MAF: variants seen among roughly 807,000 people sequenced by gnomAD.
MAF encodes the protein MAF bZIP transcription factor, also known as transcription factor Maf.
A neutral mutation model predicts 22.0 loss-of-function variants in MAF; 10 were observed. The observed-to-expected ratio is 0.45, with a 90% CI of 0.28 to 0.77. The LOEUF (loss-of-function observed/expected upper bound fraction) is 0.77, where lower values mean the gene tolerates loss of function less well. MAF is among the 30% of genes least tolerant of loss of function. The probability of loss-of-function intolerance (pLI) is 0.12; values close to 1 mark genes in which losing one functional copy is unlikely to be tolerated. For missense variants in MAF, 544 were observed against 548.4 expected (o/e 0.99, Z 0.08); for synonymous variants, 337 against 255.8 (o/e 1.32, Z -3.03).
the MAF span, among the ~76,000 whole-genome samples, chr16:79,409,028 G>GT: frequency 6.7e-6 from 1 of 148,390 alleles, no homozygotes; most frequent in East Asian, 2.0e-4. Flanking sequence ...ACCATAAGGG[G>GT]TGGGTGGGTG....
chr16:79,284,323 G>A, the MAF span, among the ~76,000 whole-genome samples: 11 of 152,258 alleles, frequency 7.2e-5, no homozygotes, highest in Admixed American at 2.6e-4. Flanking sequence ...GGTGAAGGAC[G>A]GGTACTACTT....
At chr16:79,317,180 G>A in the MAF span, among the ~76,000 whole-genome samples, 1 of 107,438 alleles carries the variant, frequency 9.3e-6, no homozygotes, top group Admixed American at 1.2e-4. Context: ...TTCCTTCCTT[G>A]CTTTTCTCCC....
At chr16:79,514,481 T>A in the MAF span, among the ~76,000 whole-genome samples, 23 of 152,316 alleles carry the variant, frequency 1.5e-4, no homozygotes, top group South Asian at 4.1e-4. Flanking sequence ...CATCCCAAAT[T>A]CCTTGTCAGT....
the MAF span, among the ~76,000 whole-genome samples, chr16:79,436,483 G>A: frequency 6.6e-6 from 1 of 152,178 alleles, no homozygotes. Context: ...TAACACTGCC[G>A]ATGACCCATT....
At chr16:79,316,155 C>T in the MAF span, among the ~76,000 whole-genome samples, 4 of 152,222 alleles carry the variant, frequency 2.6e-5, no homozygotes, top group South Asian at 2.1e-4. Context: ...CCTGTTAGAA[C>T]GTGACTCACC....
chr16:79,481,188 G>C, the MAF span, among the ~76,000 whole-genome samples: 1 of 151,592 alleles, frequency 6.6e-6, no homozygotes, highest in African/African-American at 2.4e-5. Context: ...AATCTCTCCA[G>C]GACGGGAACT....
the MAF span, among the ~76,000 whole-genome samples, chr16:79,470,556 C>T: frequency 6.6e-6 from 1 of 152,222 alleles, no homozygotes; most frequent in Non-Finnish European, 1.5e-5. Flanking sequence ...TAAACAACAG[C>T]AGCCAACTCA....
At chr16:79,233,210 T>C in the MAF span, among the ~76,000 whole-genome samples, 2 of 151,936 alleles carry the variant, frequency 1.3e-5, no homozygotes, top group Non-Finnish European at 2.9e-5. Context: ...GACTAACTCA[T>C]GGGAATATCA....
At chr16:79,347,395 T>C in the MAF span, among the ~76,000 whole-genome samples, 1 of 152,196 alleles carries the variant, frequency 6.6e-6, no homozygotes, top group African/African-American at 2.4e-5. Context: ...GTCTCGGTCA[T>C]ACCATTTGCA....
the MAF span, among the ~76,000 whole-genome samples, chr16:79,473,279 G>C: frequency 0.97 from 148,097 of 152,208 alleles, 72,196 homozygotes; most frequent in Non-Finnish European, 1. Flanking sequence ...GGAATGAATG[G>C]AGGAACTCTC....
chr16:79,587,108 A>G (rs545953677), intron 1 of MAF, among the ~76,000 whole-genome samples: 1 of 152,310 alleles, frequency 6.6e-6, no homozygotes, highest in East Asian at 1.9e-4. Flanking sequence ...CTTTATCTAA[A>G]TGGTAAGACT....
the MAF span, among the ~76,000 whole-genome samples, chr16:79,421,346 C>T: frequency 2.0e-5 from 3 of 152,198 alleles, no homozygotes; most frequent in African/African-American, 7.2e-5. Context: ...CATGTTCCTG[C>T]CCTGAAAACC....
chr16:79,308,892 A>AGAAT, the MAF span, among the ~76,000 whole-genome samples: 1 of 152,176 alleles, frequency 6.6e-6, no homozygotes, highest in Non-Finnish European at 1.5e-5. Context: ...GGGAGACGGG[A>AGAAT]GAATATAGGA....
chr16:79,387,665 G>A, the MAF span, among the ~76,000 whole-genome samples: 1 of 152,136 alleles, frequency 6.6e-6, no homozygotes, highest in Non-Finnish European at 1.5e-5. Flanking sequence ...CCTCGGAGGA[G>A]GGCAGCATGT....
the MAF span, among the ~76,000 whole-genome samples, chr16:79,313,981 A>G: frequency 6.6e-6 from 1 of 152,202 alleles, no homozygotes; most frequent in Non-Finnish European, 1.5e-5. Context: ...AAGGCCAGGG[A>G]AAACTATGGC....
At chr16:79,348,484 A>T in the MAF span, among the ~76,000 whole-genome samples, 1 of 152,252 alleles carries the variant, frequency 6.6e-6, no homozygotes, top group African/African-American at 2.4e-5. Context: ...GTAATGTTAT[A>T]AAAAGCTAAG....
the MAF span, among the ~76,000 whole-genome samples, chr16:79,361,681 T>G: frequency 6.7e-6 from 1 of 150,304 alleles, no homozygotes; most frequent in Non-Finnish European, 1.5e-5. Flanking sequence ...GAAAGATTGG[T>G]TTTTTTTTCT....
At chr16:79,363,651 C>G in the MAF span, among the ~76,000 whole-genome samples, 1 of 152,022 alleles carries the variant, frequency 6.6e-6, no homozygotes, top group African/African-American at 2.4e-5. Context: ...TACAATACAA[C>G]GAAATTGGTA....
chr16:79,521,448 C>G, the MAF span, among the ~76,000 whole-genome samples: 1 of 152,188 alleles, frequency 6.6e-6, no homozygotes, highest in Non-Finnish European at 1.5e-5. Flanking sequence ...GCATTCAGCC[C>G]ACCATTAATC....
Sources: allele counts gnomAD v4.1 joint callset (sites outside exome capture counted in the v4.1 genomes callset), GRCh38; gene constraint gnomAD v4.1.1; transcripts MANE v1.5; gene names NCBI Gene and HGNC (gene_info 2026-07-23, HGNC 2026-07-21).